The following PTPRD variants were observed in gnomAD, a reference collection of about 807,000 sequenced individuals.
PTPRD encodes receptor-type tyrosine-protein phosphatase delta.
A neutral mutation model predicts 214.5 loss-of-function variants in PTPRD; 34 were observed. That is an observed-to-expected ratio of 0.16 (90% CI 0.12 to 0.21). The LOEUF is 0.21. Ranked by LOEUF, PTPRD falls within the 10% of genes least tolerant of loss-of-function variation. PTPRD has a pLI of 1.00. For missense variants in PTPRD, 2,545 were observed against 2,398.7 expected (o/e 1.06, Z -1.27); for synonymous variants, 1,128 against 845.7 (o/e 1.33, Z -5.79).
At chr9:8,777,185 G>T (rs1270263808) in intron 11 of PTPRD, among the ~76,000 whole-genome samples, 1 of 151,838 alleles carries the variant, frequency 6.6e-6, no homozygotes, top group Non-Finnish European at 1.5e-5. Flanking sequence ...TTACTATGTT[G>T]CCCAGGCTGA....
chr9:8,797,557 G>A (rs2096465992), intron 11 of PTPRD, among the ~76,000 whole-genome samples: 1 of 152,070 alleles, frequency 6.6e-6, no homozygotes, highest in Non-Finnish European at 1.5e-5. Flanking sequence ...CTTACCACAG[G>A]GTTCTATCTT....
rs573913756 is a variant in PTPRD, at chr9:9,902,754, C to T, written c.-368+35753G>A. 2.6e-5 allele frequency among the ~76,000 whole-genome samples: 4 copies of T among 152,070 alleles called. No individual in the cohort carries two copies. In the South Asian group the frequency reaches 8.3e-4, roughly 32 times the overall value. On this transcript the variant is annotated intron_variant, in intron 5 of 45. Coordinates refer to ENST00000381196, the MANE Select transcript of PTPRD (RefSeq NM_002839.4). ...AGATACCTTAGATACATAGATAAAA[C>T]TCAGGTGAACTTGGAGATGTAAAGG...
intron 5 of PTPRD, among the ~76,000 whole-genome samples, chr9:9,789,653 T>G (rs999518832): frequency 5.3e-5 from 8 of 151,380 alleles, no homozygotes; most frequent in African/African-American, 1.9e-4. Context: ...AAAACTTAGC[T>G]GGGCGTGGTG....
At chr9:10,030,502 A>C (rs540167299) in intron 4 of PTPRD, among the ~76,000 whole-genome samples, 1 of 152,290 alleles carries the variant, frequency 6.6e-6, no homozygotes, top group South Asian at 2.1e-4. Context: ...TGAAGCTACA[A>C]GAGTAGATGA....
At chr9:10,311,425 A>G (rs1280516616) in intron 3 of PTPRD, among the ~76,000 whole-genome samples, 3 of 152,044 alleles carry the variant, frequency 2.0e-5, no homozygotes, top group Admixed American at 6.6e-5. Flanking sequence ...TGGCTTCGCT[A>G]CTCATTTTGC....
chr9:9,793,684 C>T (rs2098982644), intron 5 of PTPRD, among the ~76,000 whole-genome samples: 1 of 151,772 alleles, frequency 6.6e-6, no homozygotes. Flanking sequence ...GTTTCAAATT[C>T]AGCTCAGAAT....
chr9:8,579,965 G>C (rs1167117327), intron 14 of PTPRD, among the ~76,000 whole-genome samples: 2 of 152,170 alleles, frequency 1.3e-5, no homozygotes, highest in Non-Finnish European at 2.9e-5. Context: ...ATAGTGGCAT[G>C]ATCAGATTTC....
In PTPRD at chr9:8,741,566, C is replaced by CTTTTTTTTT. The variant is rs66547770; in HGVS notation, c.-103-7629_-103-7621dup. 1.4e-3 allele frequency among the ~76,000 whole-genome samples: 98 copies of CTTTTTTTTT among 70,640 alleles called. 5 individuals carry two copies. The highest frequency in any genetic ancestry group is 1.9e-3 in the East Asian group (4 of 2,066). 46.3% of individuals were successfully genotyped at this position (70,640 alleles called of 152,430 possible). The stretch of plus-strand genomic sequence containing the variant: ...TCTATTATTTTAATCTCAGGCATTT[C>CTTTTTTTTT]TTTTTTTTTTTTTTTTTTTTTTTTT... On this transcript the variant is annotated intron_variant, in intron 11 of 45. Transcript: ENST00000381196.
At chr9:9,797,228 G>A (rs2099008300) in intron 5 of PTPRD, among the ~76,000 whole-genome samples, 1 of 140,384 alleles carries the variant, frequency 7.1e-6, no homozygotes, top group Non-Finnish European at 1.5e-5. Flanking sequence ...ACCCTAGGTA[G>A]CAGAATTTCA....
chr9:9,706,401 T>C (rs2097608164), intron 7 of PTPRD, among the ~76,000 whole-genome samples: 1 of 152,146 alleles, frequency 6.6e-6, no homozygotes, highest in South Asian at 2.1e-4. Context: ...GTACTATTGT[T>C]ATTTACAATA....
intron 11 of PTPRD, among the ~76,000 whole-genome samples, chr9:8,993,664 T>C (rs1483590747): frequency 1.3e-5 from 2 of 152,162 alleles, no homozygotes; most frequent in African/African-American, 2.4e-5. Flanking sequence ...TTATGTATCT[T>C]AGAATTTTTG....
chr9:9,927,047 G>C (rs1343284385), intron 5 of PTPRD, among the ~76,000 whole-genome samples: 1 of 152,084 alleles, frequency 6.6e-6, no homozygotes, highest in African/African-American at 2.4e-5. Flanking sequence ...TATGCCTTAG[G>C]AGATTAATTT....
In PTPRD at chr9:10,583,086, A is replaced by T. The variant is rs1224512719; in HGVS notation, c.-600+29312T>A. 3.3e-5 allele frequency among the ~76,000 whole-genome samples: 5 copies of T among 152,334 alleles called. No individual in the cohort carries two copies. In the East Asian group the frequency reaches 9.6e-4, roughly 29 times the overall value. On this transcript the variant is annotated intron_variant, in intron 2 of 45. Transcript: ENST00000381196. ...TGGGTGGTATTAAAAAAAGAAAAAC[A>T]CACACAGAGGTGAAGAGTTGGGTGA...
chr9:8,848,313 C>CTCTTTTTTTTTTT (rs1338928285), intron 11 of PTPRD, among the ~76,000 whole-genome samples: 1 of 132,664 alleles, frequency 7.5e-6, no homozygotes, highest in African/African-American at 2.8e-5. Context: ...AAGATTTTTC[C>CTCTTTTTTTTTTT]TTTTTTTTTT....
At chr9:10,226,257 G>A (rs1202628786) in intron 3 of PTPRD, among the ~76,000 whole-genome samples, 1 of 152,044 alleles carries the variant, frequency 6.6e-6, no homozygotes, top group Non-Finnish European at 1.5e-5. Context: ...GTGGCTACCA[G>A]CCAATGGATT....
Position 9,965,173 on chromosome 9 carries a change from A to G in PTPRD, c.-471-26563T>C, listed in dbSNP as rs139984310. ...CAAACTGCCCTTAAAAATTGCAAGA[A>G]TATTAGTTCTGGGAATGCTAGAACC... On this transcript the variant is annotated intron_variant, in intron 4 of 45. Transcript: ENST00000381196. 5.3e-4 allele frequency among the ~76,000 whole-genome samples: 80 copies of G among 152,296 alleles called. No homozygotes were observed. The East Asian group carries it at 0.014, about 26-fold the overall frequency.
chr9:9,984,592 G>C (rs1337709549), intron 4 of PTPRD, among the ~76,000 whole-genome samples: 1 of 152,196 alleles, frequency 6.6e-6, no homozygotes, highest in Non-Finnish European at 1.5e-5. Flanking sequence ...CTACCTTCTG[G>C]AATACAAGTG....
chr9:8,999,074 AG>A (rs1278469414), intron 11 of PTPRD, among the ~76,000 whole-genome samples: 1 of 152,086 alleles, frequency 6.6e-6, no homozygotes, highest in Non-Finnish European at 1.5e-5. Context: ...CTCCTGGGAA[AG>A]ATGCTGTGAA....
At chr9:8,339,848 AC>A (rs36081418) in intron 42 of PTPRD, among the ~76,000 whole-genome samples, 1 of 150,048 alleles carries the variant, frequency 6.7e-6, no homozygotes, top group East Asian at 2.0e-4. Flanking sequence ...AAAAAAACAA[AC>A]CACTTTTTTC....
Sources: gnomAD v4.1 joint callset for allele counts (sites outside exome capture counted in the v4.1 genomes callset) on GRCh38, gnomAD v4.1.1 for gene constraint, MANE v1.5 for transcripts, NCBI Gene and HGNC (gene_info 2026-07-23, HGNC 2026-07-21) for gene names.